The following FSD2 variants were observed in gnomAD, a reference collection of about 807,000 sequenced individuals.
The protein encoded by FSD2 is fibronectin type III and SPRY domain-containing protein 2.
FSD2 carries 71 observed loss-of-function variants against 80.4 expected under a neutral mutation model. The ratio of observed to expected loss-of-function variants is 0.88; its 90% CI spans 0.73 to 1.08. The LOEUF (loss-of-function observed/expected upper bound fraction) is 1.08. Ranked by LOEUF, FSD2 falls within the 50% of genes least tolerant of loss-of-function variation. The pLI, the probability that FSD2 is intolerant of heterozygous loss-of-function variation, is 0.00. For missense variants in FSD2, 923 were observed against 913.8 expected (o/e 1.01, Z -0.13); for synonymous variants, 361 against 329.5 (o/e 1.10, Z -1.03).
At chr15:82,804,662 A>G (rs1482617622) in intron 1 of FSD2, among the ~76,000 whole-genome samples, 1 of 152,220 alleles carries the variant, frequency 6.6e-6, no homozygotes, top group African/African-American at 2.4e-5. Context: ...TGACCAATAA[A>G]TCATCATGAG....
intron 3 of FSD2, among the ~76,000 whole-genome samples, chr15:82,784,230 TTTTTA>T (rs369110230): frequency 3.3e-5 from 5 of 149,274 alleles, no homozygotes; most frequent in South Asian, 4.2e-4. Flanking sequence ...TGTAAGAAGT[TTTTTA>T]TTTTATTTTA....
intron 3 of FSD2, among the ~76,000 whole-genome samples, chr15:82,783,254 A>G (rs2049915064): frequency 6.6e-6 from 1 of 152,074 alleles, no homozygotes; most frequent in Admixed American, 6.6e-5. Flanking sequence ...GTGCATCACC[A>G]TGCCCGGCTA....
Position 82,782,968 on chromosome 15 carries a change from T to C in FSD2, c.793A>G (p.Thr265Ala), listed in dbSNP as rs1045201453. Residue 265 changes from threonine (T) to alanine (A), a missense_variant, in exon 4 of 13, where the codon ACA (threonine) becomes GCA (alanine). Transcript: ENST00000334574. Reference sequence around the variant, plus strand: ...TTTTCCTCATATTTTTGAGCAAGTGTTTCCAAGATCTCGTTGTAATGTGAC... The same window carrying C: ...TTTTCCTCATATTTTTGAGCAAGTGCTTCCAAGATCTCGTTGTAATGTGAC... Reference protein sequence around the residue: ...FESHYNEILETLAQKYEEKIQ... With the variant: ...FESHYNEILEALAQKYEEKIQ... The C allele has an allele frequency of 6.2e-7, 1 of 1,613,916 alleles. No individual in the cohort carries two copies. Among genetic ancestry groups the C allele is most frequent in the Non-Finnish European group, 8.5e-7 (1 of 1,179,872 alleles).
At chr15:82,803,209 G>A (rs370288966) in intron 1 of FSD2, among the ~76,000 whole-genome samples, 2 of 152,062 alleles carry the variant, frequency 1.3e-5, no homozygotes, top group Non-Finnish European at 2.9e-5. Context: ...TCTGTGGCTC[G>A]AAATCTTGCT....
chr15:82,805,424 G>A (rs1207031350), intron 1 of FSD2, among the ~76,000 whole-genome samples: 1 of 152,210 alleles, frequency 6.6e-6, no homozygotes, highest in East Asian at 1.9e-4. Context: ...AAGTGTTACA[G>A]TGATATGAAA....
chr15:82,771,927 C>T (rs1369505107), intron 7 of FSD2, 146 bp downstream of exon 7: 2 of 847,280 alleles, frequency 2.4e-6, no homozygotes, highest in African/African-American at 3.5e-5. Flanking sequence ...GCCCTTTCTG[C>T]CCTGTTCACC....
intron 1 of FSD2, among the ~76,000 whole-genome samples, chr15:82,800,252 C>T (rs1025725187): frequency 6.6e-6 from 1 of 152,176 alleles, no homozygotes; most frequent in African/African-American, 2.4e-5. Flanking sequence ...CAAGTTTTGT[C>T]CTGCAAGCAC....
At chr15:82,804,091 C>T (rs1188842828) in intron 1 of FSD2, among the ~76,000 whole-genome samples, 3 of 152,234 alleles carry the variant, frequency 2.0e-5, no homozygotes, top group Non-Finnish European at 4.4e-5. Flanking sequence ...TAGTATCTCC[C>T]ACCTGGGCTA....
At chr15:82,764,956 C>A (rs66978683) in intron 11 of FSD2, among the ~76,000 whole-genome samples, 22,265 of 151,902 alleles carry the variant, frequency 0.15, 1,838 homozygotes, top group East Asian at 0.23. Context: ...CTGACCTCAC[C>A]GTCCCAGGGG....
chr15:82,766,656 T>A (rs1341664128), intron 9 of FSD2, among the ~76,000 whole-genome samples: 1 of 151,224 alleles, frequency 6.6e-6, no homozygotes, highest in African/African-American at 2.4e-5. Context: ...GCAGGAGAAT[T>A]GCTTGAACCT....
In FSD2 at chr15:82,787,079, AG is replaced by A. The variant is rs776269832; in HGVS notation, c.311del (p.Pro104LeufsTer4). ...GGTCTCTCCTCTTCATCATATAAGGAGGATATTCTGAAACCCCTGTTCTGGG... is the reference window on the plus strand; with the variant it reads ...GGTCTCTCCTCTTCATCATATAAGGAGATATTCTGAAACCCCTGTTCTGGG... ...NIPRTGVSEY[P>X]PYMMKRRDPA... is the part of the protein sequence containing the mutation. On this transcript the variant is annotated frameshift_variant, in exon 2 of 13. Coordinates refer to ENST00000334574, the MANE Select transcript of FSD2 (RefSeq NM_001007122.4). LOFTEE classifies it high-confidence loss of function. The A allele has an allele frequency of 9.3e-6, 15 of 1,613,826 alleles. No homozygotes were observed. In the South Asian group the frequency reaches 1.6e-4, roughly 18 times the overall value.
chr15:82,761,159 G>A (rs1419092974), intron 12 of FSD2, among the ~76,000 whole-genome samples: 1 of 152,138 alleles, frequency 6.6e-6, no homozygotes, highest in African/African-American at 2.4e-5. Flanking sequence ...CATGATAGAG[G>A]ATCATGGGCA....
At position 82,780,380 on chromosome 15, in the gene FSD2, G is replaced by C. The variant is rs2049825662; in HGVS notation, c.967-113C>G. ...AATGGAGTCTCACTCTGTCCCCCAG[G>C]CTGGAGTGCAATGGCACAATCTCGG... On this transcript the variant is annotated intron_variant, in intron 4 of 12. Transcript: ENST00000334574. 9 of 716,710 alleles carry C rather than the reference G, an allele frequency of 1.3e-5. 1 individual carries two copies. The South Asian group carries it at 1.8e-4, about 14-fold the overall frequency. The allele number at this position is 716,710 out of a possible 1,614,324, so 44.4% of individuals were successfully genotyped here. A position where few individuals can be genotyped will look rare whatever the true frequency, so the allele number is the denominator to read the frequency against.
intron 1 of FSD2, among the ~76,000 whole-genome samples, chr15:82,799,330 C>G (rs972693017): frequency 6.6e-5 from 10 of 152,144 alleles, no homozygotes; most frequent in African/African-American, 2.4e-4. Context: ...TTCCCCTAGG[C>G]CACTGACTGC....
At chr15:82,771,472 G>A (rs907161130) in intron 7 of FSD2, among the ~76,000 whole-genome samples, 34 of 152,304 alleles carry the variant, frequency 2.2e-4, no homozygotes, top group Middle Eastern at 3.4e-3. Flanking sequence ...TAGTATGGGG[G>A]GCCCTACCCC....
At chr15:82,781,455 C>A (rs1393132277) in intron 4 of FSD2, among the ~76,000 whole-genome samples, 1 of 152,148 alleles carries the variant, frequency 6.6e-6, no homozygotes, top group Admixed American at 6.5e-5. Flanking sequence ...TATTTAGCAA[C>A]CAGGAAGCTC....
intron 6 of FSD2, 90 bp downstream of exon 6, chr15:82,778,676 A>G: frequency 7.1e-7 from 1 of 1,401,066 alleles, no homozygotes; most frequent in Non-Finnish European, 9.6e-7. Flanking sequence ...TGTTAAGAGG[A>G]TAGATCTCAT....
chr15:82,783,396 G>A (rs1225443537), intron 3 of FSD2, among the ~76,000 whole-genome samples: 1 of 152,182 alleles, frequency 6.6e-6, no homozygotes, highest in Non-Finnish European at 1.5e-5. Context: ...ACCACGCCCA[G>A]CCTGATTAGA....
chr15:82,785,686 T>C (rs1472135781), intron 3 of FSD2, among the ~76,000 whole-genome samples: 1 of 152,184 alleles, frequency 6.6e-6, no homozygotes, highest in Non-Finnish European at 1.5e-5. Context: ...TAGCGATCAT[T>C]GGCAGAAGTG....
Sources: allele counts gnomAD v4.1 joint callset (sites outside exome capture counted in the v4.1 genomes callset), GRCh38; gene constraint gnomAD v4.1.1; transcripts MANE v1.5; gene names NCBI Gene and HGNC (gene_info 2026-07-23, HGNC 2026-07-21).